The following CDH9 variants were observed in gnomAD, a reference collection of about 807,000 sequenced individuals.
CDH9 encodes cadherin-9.
A neutral mutation model predicts 70.9 loss-of-function variants in CDH9; 28 were observed. The observed-to-expected ratio is 0.40, with a 90% confidence interval of 0.29 to 0.54. The LOEUF (loss-of-function observed/expected upper bound fraction) is 0.54, where lower values mean the gene tolerates loss of function less well. Ranked by LOEUF, CDH9 falls within the 20% of genes least tolerant of loss-of-function variation. The pLI, the probability that CDH9 is intolerant of heterozygous loss-of-function variation, is 0.59. For missense variants in CDH9, 874 were observed against 984.4 expected (o/e 0.89, Z 1.50); for synonymous variants, 409 against 343.1 (o/e 1.19, Z -2.12).
At chr5:26,904,780 T>C (rs1392928023) in intron 5 of CDH9, among the ~76,000 whole-genome samples, 1 of 152,076 alleles carries the variant, frequency 6.6e-6, no homozygotes, top group Non-Finnish European at 1.5e-5. Context: ...GTCTAAGAAA[T>C]AAGGATGATA....
chr5:26,977,404 C>A (rs1366461), intron 2 of CDH9, among the ~76,000 whole-genome samples: 2 of 150,526 alleles, frequency 1.3e-5, no homozygotes, highest in Non-Finnish European at 3.0e-5. Flanking sequence ...TATAATTGAC[C>A]GTTTTGTTTT....
intron 3 of CDH9, among the ~76,000 whole-genome samples, chr5:26,913,742 T>G (rs73748533): frequency 0.033 from 4,764 of 143,138 alleles, 149 homozygotes; most frequent in African/African-American, 0.09. Context: ...GATTCTAAAA[T>G]ATATACATAT....
chr5:26,909,536 C>CTTTTTTTTTTT (rs200596019), intron 3 of CDH9, among the ~76,000 whole-genome samples: 1 of 140,290 alleles, frequency 7.1e-6, no homozygotes, highest in African/African-American at 2.6e-5. Flanking sequence ...CATTTTTTTT[C>CTTTTTTTTTTT]TTTTTTTTTT....
intron 2 of CDH9, among the ~76,000 whole-genome samples, chr5:26,919,357 T>C (rs776608451): frequency 6.6e-6 from 1 of 152,078 alleles, no homozygotes; most frequent in African/African-American, 2.4e-5. Flanking sequence ...CTGGCACCCA[T>C]GGAGAAAGCA....
chr5:26,999,335 G>A (rs1260403134), intron 1 of CDH9, among the ~76,000 whole-genome samples: 2 of 152,242 alleles, frequency 1.3e-5, no homozygotes, highest in East Asian at 3.9e-4. Context: ...CATATGCAAT[G>A]ACTTCTCTTC....
chr5:26,961,890 A>G (rs1484256389), intron 2 of CDH9, among the ~76,000 whole-genome samples: 2 of 151,988 alleles, frequency 1.3e-5, no homozygotes, highest in Non-Finnish European at 2.9e-5. Flanking sequence ...GGTTTCTTAC[A>G]TAGGTGTACA....
At chr5:26,961,672 T>C (rs1742037194) in intron 2 of CDH9, among the ~76,000 whole-genome samples, 2 of 152,172 alleles carry the variant, frequency 1.3e-5, no homozygotes, top group Admixed American at 1.3e-4. Context: ...AACTAATCCA[T>C]TTAATTTCCA....
At chr5:26,939,609 G>A (rs1299558686) in intron 2 of CDH9, among the ~76,000 whole-genome samples, 1 of 151,744 alleles carries the variant, frequency 6.6e-6, no homozygotes, top group Non-Finnish European at 1.5e-5. Flanking sequence ...CAAAAAATGC[G>A]GCAAGCAAAT....
At position 26,898,338 on chromosome 5, in the gene CDH9, G is replaced by T. The variant is rs543496379; in HGVS notation, c.1253+4138C>A. Among the ~76,000 whole-genome samples the T allele has an allele frequency of 3.3e-5, 5 of 152,132 alleles. No homozygotes were observed. In the East Asian group the frequency reaches 7.7e-4, roughly 24 times the overall value. The stretch of plus-strand genomic sequence containing the variant: ...GAAAAAACTAGTTTAAATTTCATAT[G>T]GAACCAAAAAAGAGCCCTTATAGCA... On this transcript the variant is annotated intron_variant, in intron 7 of 11. Coordinates refer to ENST00000231021, the MANE Select transcript of CDH9 (RefSeq NM_016279.4).
Position 26,988,402 on chromosome 5 carries a change from A to G in CDH9, c.-49-20T>C. ...TTTTTCCTAAAGAGTAAGGAGAAAA[A>G]AAATGGCTGTATTAGCTTGAGTTTC... On this transcript the variant is annotated intron_variant, in intron 1 of 11. Transcript: ENST00000231021. 6.4e-7 allele frequency: 1 copy of G among 1,561,334 alleles called. No homozygotes were observed. Among genetic ancestry groups the G allele is most frequent in the Non-Finnish European group, 8.7e-7 (1 of 1,155,810 alleles).
At chr5:27,005,617 A>G (rs1561037635) in intron 1 of CDH9, among the ~76,000 whole-genome samples, 2 of 152,156 alleles carry the variant, frequency 1.3e-5, no homozygotes, top group Non-Finnish European at 2.9e-5. Flanking sequence ...CAATGCCTCA[A>G]AGAACTAAAA....
intron 3 of CDH9, among the ~76,000 whole-genome samples, chr5:26,912,280 T>A (rs1478128441): frequency 1.3e-5 from 2 of 152,030 alleles, no homozygotes; most frequent in African/African-American, 4.8e-5. Flanking sequence ...ACAGAGTTCC[T>A]AAATATTACT....
At chr5:26,929,981 T>C (rs958895142) in intron 2 of CDH9, among the ~76,000 whole-genome samples, 4 of 151,888 alleles carry the variant, frequency 2.6e-5, no homozygotes, top group Admixed American at 6.6e-5. Context: ...TAAAAATAAC[T>C]AAAAGAGTAT....
At chr5:26,917,913 A>G (rs1561194522) in intron 2 of CDH9, among the ~76,000 whole-genome samples, 2 of 152,162 alleles carry the variant, frequency 1.3e-5, no homozygotes, top group Admixed American at 6.5e-5. Context: ...TAAAAACCAG[A>G]GTTAGCATCA....
intron 1 of CDH9, among the ~76,000 whole-genome samples, chr5:27,033,254 C>T (rs1240623715): frequency 6.6e-6 from 1 of 150,838 alleles, no homozygotes; most frequent in Non-Finnish European, 1.5e-5. Context: ...ATTTTAGTTC[C>T]TCCAGTTACA....
At chr5:26,949,601 G>A (rs1741810404) in intron 2 of CDH9, among the ~76,000 whole-genome samples, 1 of 152,148 alleles carries the variant, frequency 6.6e-6, no homozygotes, top group Non-Finnish European at 1.5e-5. Flanking sequence ...TGTTCATCAT[G>A]CCACAGCAAC....
intron 2 of CDH9, among the ~76,000 whole-genome samples, chr5:26,975,838 T>C (rs1253788365): frequency 1.3e-5 from 2 of 152,174 alleles, no homozygotes; most frequent in African/African-American, 2.4e-5. Context: ...TTATGGGTAG[T>C]AGAGACTGTA....
chr5:26,935,888 C>CAT (rs138850450), intron 2 of CDH9, among the ~76,000 whole-genome samples: 14 of 151,820 alleles, frequency 9.2e-5, no homozygotes, highest in East Asian at 1.9e-4. Flanking sequence ...AATAAAGTGG[C>CAT]ATATATATAT....
At chr5:26,994,478 TA>T (rs1359431921) in intron 1 of CDH9, among the ~76,000 whole-genome samples, 1 of 152,154 alleles carries the variant, frequency 6.6e-6, no homozygotes, top group Non-Finnish European at 1.5e-5. Flanking sequence ...TTTGTCCCTT[TA>T]AAAGGACATG....
Sources: allele counts gnomAD v4.1 joint callset (sites outside exome capture counted in the v4.1 genomes callset), GRCh38; gene constraint gnomAD v4.1.1; transcripts MANE v1.5; gene names NCBI Gene and HGNC (gene_info 2026-07-23, HGNC 2026-07-21).